Variants in AHNAK observed in about 807,000 individuals in gnomAD.
The protein encoded by AHNAK is neuroblast differentiation-associated protein AHNAK.
Under a neutral mutation model 37.8 loss-of-function variants are expected in AHNAK, and 23 were observed. That is an observed-to-expected ratio of 0.61 (90% CI 0.44 to 0.86). AHNAK has a LOEUF of 0.86. Among genes scored for constraint, AHNAK ranks in the 40% least tolerant of loss-of-function variants. AHNAK has a pLI of 0.00. For synonymous variants in AHNAK, 2,481 were observed against 2,636.3 expected (o/e 0.94, Z 1.80); for missense variants, 7,411 against 7,319.4 (o/e 1.01, Z -0.46).
At position 62,522,629 on chromosome 11, in the gene AHNAK, G is replaced by C. The variant is rs1191700045; in HGVS notation, c.11788C>G (p.Leu3930Val). 4 of 1,612,596 alleles carry C rather than the reference G, an allele frequency of 2.5e-6. No homozygotes were observed. Among genetic ancestry groups the C allele is most frequent in the Non-Finnish European group, 3.4e-6 (4 of 1,179,670 alleles). The change falls in exon 5 of 5, where the codon CTG (leucine) becomes GTG (valine). Residue 3930 changes from leucine to valine, a missense_variant. Physicochemically the swap from Leu to Val is conservative, Grantham distance 32. Transcript: ENST00000378024. ...GGCATTTTTATCTTAGGCATCTTCA[G>C]GTGCCAGTCTGGGCCTCGAACATCC... is the stretch of plus-strand genomic sequence containing the variant. ...DVDVRGPDWH[L>V]KMPKIKMPKI...
In AHNAK at chr11:62,517,877, G is replaced by C; in HGVS notation, c.16540C>G (p.Pro5514Ala). The C allele has an allele frequency of 6.2e-7, 1 of 1,614,078 alleles. No homozygotes were observed. The highest frequency in any genetic ancestry group is 8.5e-7 in the Non-Finnish European group (1 of 1,179,990). The change falls in exon 5 of 5, where the codon CCA (proline) becomes GCA (alanine). Residue 5514 changes from proline (P) to alanine (A), a missense_variant. Physicochemically the swap from Pro to Ala is conservative, Grantham distance 27. Coordinates refer to ENST00000378024, the MANE Select transcript of AHNAK (RefSeq NM_001620.3). ...TCAGGCCCAGAAATCTGCCCAGTTG[G>C]GAGTTTCACATTCACGCCTGGCAGG... Reference protein sequence around the residue: ...VNLPGVNVKLPTGQISGPEIK... With the variant: ...VNLPGVNVKLATGQISGPEIK...
downstream of AHNAK, among the ~76,000 whole-genome samples, chr11:62,515,735 T>C (rs1939998520): frequency 6.6e-6 from 1 of 152,184 alleles, no homozygotes; most frequent in South Asian, 2.1e-4. Context: ...ACCATGAGAA[T>C]CAAGAAGCAA....
intron 4 of AHNAK, among the ~76,000 whole-genome samples, chr11:62,503,473 T>C (rs1355507738): frequency 6.6e-6 from 1 of 151,510 alleles, no homozygotes; most frequent in Non-Finnish European, 1.5e-5. Context: ...ATCTCAGCTA[T>C]TCAAGAGGCT....
downstream of AHNAK, among the ~76,000 whole-genome samples, chr11:62,513,408 G>A (rs751279799): frequency 1.4e-4 from 22 of 152,152 alleles, no homozygotes; most frequent in Admixed American, 1.0e-3. Context: ...GGTGGCAGGC[G>A]CCTTTAATCC....
At chr11:62,447,012 C>G (rs552629678) in intron 5 of AHNAK, among the ~76,000 whole-genome samples, 6 of 152,060 alleles carry the variant, frequency 3.9e-5, no homozygotes, top group African/African-American at 1.4e-4. Context: ...TCCTAAGCAC[C>G]CCCTCCCCTG....
In AHNAK at chr11:62,521,937, G is replaced by A. The variant is rs151066838; in HGVS notation, c.12480C>T (p.Gly4160=). ...SLPKVEGDLK[G]PEVDIKGPKV... ...TGGGGCCCTTGATGTCAACTTCAGG[G>A]CCCTTGAGGTCGCCTTCCACTTTGG... Residue 4160 remains glycine, a synonymous_variant, in exon 5 of 5, where the codon GGC becomes GGT. Coordinates refer to ENST00000378024, the MANE Select transcript of AHNAK (RefSeq NM_001620.3). 1,714 of 1,613,260 alleles carry A rather than the reference G, an allele frequency of 1.1e-3. 17 individuals are homozygous for A. In the African/African-American group the frequency reaches 0.02, roughly 19 times the overall value.
At chr11:62,443,503 C>A (rs1334325806) in intron 5 of AHNAK, among the ~76,000 whole-genome samples, 1 of 150,876 alleles carries the variant, frequency 6.6e-6, no homozygotes, top group South Asian at 2.1e-4. Flanking sequence ...AACTCCCAAC[C>A]TCAGGTGATC....
Position 62,531,455 on chromosome 11 carries a change from C to T in AHNAK, c.2962G>A (p.Glu988Lys), listed in dbSNP as rs1236768994. The T allele has an allele frequency of 6.2e-7, 1 of 1,614,226 alleles. No individual in the cohort carries two copies. The highest frequency in any genetic ancestry group is 2.2e-5 in the East Asian group (1 of 44,888). Residue 988 changes from glutamate (E) to lysine (K), a missense_variant, in exon 5 of 5, where the codon GAA becomes AAA. Coordinates refer to ENST00000378024, the MANE Select transcript of AHNAK (RefSeq NM_001620.3). Reference sequence around the variant, plus strand: ...AAGTTCCAGTCAGGACCCTGCATTTCAACATCTGGGGCACTGACATCTACT... The same window carrying T: ...AAGTTCCAGTCAGGACCCTGCATTTTAACATCTGGGGCACTGACATCTACT... ...PKVDVSAPDVEMQGPDWNLKM... is the reference protein window; with the variant it reads ...PKVDVSAPDVKMQGPDWNLKM...
At position 62,523,464 on chromosome 11, in the gene AHNAK, A is replaced by C. The variant is rs2134209665; in HGVS notation, c.10953T>G (p.Asp3651Glu). Residue 3651 changes from aspartate (D) to glutamate (E), a missense_variant, in exon 5 of 5, where the codon GAT (aspartate) becomes GAG (glutamate). Coordinates refer to ENST00000378024, the MANE Select transcript of AHNAK (RefSeq NM_001620.3). ...DVPDVNIEGP[D>E]AKLKGPKFKM... ...TGAACTTGGGGCCCTTCAGCTTTGC[A>C]TCTGGACCTTCAATATTCACGTCTG... is the stretch of plus-strand genomic sequence containing the variant. 1.9e-6 allele frequency: 3 copies of C among 1,611,910 alleles called. No individual in the cohort carries two copies. In the South Asian group the frequency reaches 3.3e-5, roughly 18 times the overall value.
At position 62,532,214 on chromosome 11, in the gene AHNAK, C is replaced by T; in HGVS notation, c.2203G>A (p.Ala735Thr). ...ELKGPKVDIDAPDVDVHGPDW... is the reference protein window; with the variant it reads ...ELKGPKVDIDTPDVDVHGPDW... ...GGGCCATGAACATCCACATCTGGGG[C>T]ATCAATGTCCACTTTTGGGCCTTTG... Residue 735 changes from alanine (A) to threonine (T), a missense_variant, in exon 5 of 5, where the codon GCC becomes ACC. Ala to Thr is a moderately conservative substitution (Grantham distance 58, BLOSUM62 0). Transcript: ENST00000378024. 1 of 1,614,094 alleles carries T rather than the reference C, an allele frequency of 6.2e-7. No homozygotes were observed.
chr11:62,461,308 G>A (rs1938781925), intron 5 of AHNAK, among the ~76,000 whole-genome samples: 3 of 151,158 alleles, frequency 2.0e-5, no homozygotes, highest in Admixed American at 6.6e-5. Context: ...ACCACACCCA[G>A]CTAATTTTTG....
At chr11:62,475,041 G>A (rs1004789406) in intron 5 of AHNAK, among the ~76,000 whole-genome samples, 5 of 152,156 alleles carry the variant, frequency 3.3e-5, no homozygotes, top group Middle Eastern at 3.2e-3. Flanking sequence ...GGTGGCTCAC[G>A]CCCGTAATCC....
At position 62,498,427 on chromosome 11, in the gene AHNAK, A is replaced by AGTGTAATTATAATTACACTATATG. The variant is rs1257559499; in HGVS notation, c.343-6620_343-6597dup. On this transcript the variant is annotated intron_variant, in intron 4 of 5. Coordinates refer to the AHNAK transcript ENST00000257247. ...AAATGTAATTATAATTACACTATAT[A>AGTGTAATTATAATTACACTATATG]GTGTAATTATAATTACACTATATGG... 3.4e-4 allele frequency among the ~76,000 whole-genome samples: 47 copies of AGTGTAATTATAATTACACTATATG among 139,348 alleles called. 1 individual carries two copies. Among genetic ancestry groups the AGTGTAATTATAATTACACTATATG allele is most frequent in the African/African-American group, 1.1e-3 (42 of 36,632 alleles). 91.4% of individuals were successfully genotyped at this position (139,348 alleles called of 152,430 possible).
chr11:62,492,355 C>T (rs1939518215), intron 4 of AHNAK, among the ~76,000 whole-genome samples: 1 of 152,162 alleles, frequency 6.6e-6, no homozygotes, highest in Non-Finnish European at 1.5e-5. Context: ...TGATGCCTTA[C>T]ACAGTAGATC....
At chr11:62,444,808 T>C (rs1391953197) in intron 5 of AHNAK, among the ~76,000 whole-genome samples, 1 of 152,214 alleles carries the variant, frequency 6.6e-6, no homozygotes, top group Admixed American at 6.5e-5. Flanking sequence ...TAAACAGGCA[T>C]AAGCTCACTG....
At position 62,517,794 on chromosome 11, in the gene AHNAK, G is replaced by A; in HGVS notation, c.16623C>T (p.Ile5541=). 1 of 1,614,176 alleles carries A rather than the reference G, an allele frequency of 6.2e-7. No homozygotes were observed. The highest frequency in any genetic ancestry group is 8.5e-7 in the Non-Finnish European group (1 of 1,180,036). Residue 5541 remains isoleucine, a synonymous_variant, in exon 5 of 5, where the codon ATC becomes ATT. Transcript: ENST00000378024. ...TATTAAAGGCAGGCCCCTTCACACTGATATCAGGAGCAGCCCCATGGAAAC... is the reference window on the plus strand; with the variant it reads ...TATTAAAGGCAGGCCCCTTCACACTAATATCAGGAGCAGCCCCATGGAAAC... ...EVGFHGAAPD[I]SVKGPAFNMA...
chr11:62,531,469 C>A lies in AHNAK; in HGVS notation c.2948G>T (p.Ser983Ile). Residue 983 changes from serine (S) to isoleucine (I), a missense_variant, in exon 5 of 5, where the codon AGT (serine) becomes ATT (isoleucine). By Grantham distance (142) the Ser-to-Ile change is moderately radical. Transcript: ENST00000378024. Reference sequence around the variant, plus strand: ...ACCCTGCATTTCAACATCTGGGGCACTGACATCTACTTTTGGGCCTTTCAG... The same window carrying A: ...ACCCTGCATTTCAACATCTGGGGCAATGACATCTACTTTTGGGCCTTTCAG... ...GDLKGPKVDV[S>I]APDVEMQGPD... 6.2e-7 allele frequency: 1 copy of A among 1,614,220 alleles called. No homozygotes were observed. The highest frequency in any genetic ancestry group is 8.5e-7 in the Non-Finnish European group (1 of 1,180,036).
chr11:62,453,266 T>C (rs1003324837), intron 5 of AHNAK, among the ~76,000 whole-genome samples: 1 of 152,124 alleles, frequency 6.6e-6, no homozygotes, highest in East Asian at 1.9e-4. Flanking sequence ...TAATCATTAC[T>C]GCTCTTGCCT....
At position 62,526,300 on chromosome 11, in the gene AHNAK, T is replaced by C; in HGVS notation, c.8117A>G (p.Lys2706Arg). ...TAAGTCAATATCAGGCATGGAGATC[T>C]TGGGGGCTTTGATATTCATCTCTGG... ...KMPEMNIKAPKISMPDIDLNL... is the reference protein window; with the variant it reads ...KMPEMNIKAPRISMPDIDLNL... Residue 2706 changes from lysine to arginine, a missense_variant, in exon 5 of 5, where the codon AAG (lysine) becomes AGG (arginine). By Grantham distance (26) the Lys-to-Arg change is conservative (BLOSUM62 2). Coordinates refer to ENST00000378024, the MANE Select transcript of AHNAK (RefSeq NM_001620.3). 5 of 1,614,014 alleles carry C rather than the reference T, an allele frequency of 3.1e-6. No individual in the cohort carries two copies. The highest frequency in any genetic ancestry group is 4.2e-6 in the Non-Finnish European group (5 of 1,179,984).
Sources: allele counts gnomAD v4.1 joint callset (sites outside exome capture counted in the v4.1 genomes callset), GRCh38; gene constraint gnomAD v4.1.1; transcripts MANE v1.5; gene names NCBI Gene and HGNC (gene_info 2026-07-23, HGNC 2026-07-21).